The following ESRRG variants were observed in gnomAD, a reference collection of about 807,000 sequenced individuals.
ESRRG encodes estrogen related receptor gamma, also known as estrogen-related receptor gamma.
In ESRRG, 13 loss-of-function variants were observed where a neutral mutation model predicts 44.0. The ratio of observed to expected loss-of-function variants is 0.30; its 90% CI spans 0.19 to 0.47. The LOEUF is 0.47. Ranked by LOEUF, ESRRG falls within the 20% of genes least tolerant of loss-of-function variation. ESRRG has a pLI of 1.00. For synonymous variants in ESRRG, 215 were observed against 214.6 expected (o/e 1.00, Z -0.02); for missense variants, 395 against 580.6 (o/e 0.68, Z 3.29).
intron 1 of ESRRG, among the ~76,000 whole-genome samples, chr1:216,691,439 C>T (rs957659523): frequency 9.9e-5 from 15 of 152,204 alleles, no homozygotes; most frequent in African/African-American, 3.6e-4. Flanking sequence ...ATTATTTTAT[C>T]ACCAATTTGC....
intron 2 of ESRRG, among the ~76,000 whole-genome samples, chr1:216,857,376 A>AG (rs1435707785): frequency 1.3e-5 from 2 of 151,582 alleles, no homozygotes; most frequent in African/African-American, 4.8e-5. Flanking sequence ...AAAAAAAAAA[A>AG]GAAAAAAACT....
chr1:216,569,407 T>C (rs1000049851), intron 3 of ESRRG, among the ~76,000 whole-genome samples: 5 of 152,076 alleles, frequency 3.3e-5, no homozygotes, highest in Non-Finnish European at 5.9e-5. Flanking sequence ...CTGACAGGAA[T>C]AGAACTTTTT....
intron 1 of ESRRG, among the ~76,000 whole-genome samples, chr1:216,956,230 T>C (rs538150077): frequency 8.8e-6 from 1 of 114,230 alleles, no homozygotes; most frequent in East Asian, 2.9e-4. Context: ...TGGCGAGGGA[T>C]AGGGATACAG....
chr1:216,975,621 T>C lies in ESRRG; in HGVS notation c.-105-35948A>G, dbSNP rs541048100. Among the ~76,000 whole-genome samples, 48 of 152,346 alleles carry C rather than the reference T, an allele frequency of 3.2e-4. No homozygotes were observed. The Middle Eastern group carries it at 0.01, about 32-fold the overall frequency. On this transcript the variant is annotated intron_variant, in intron 1 of 7. Transcript: ENST00000359162. ...CTCACTAAAAAGACACTCAGAATTC[T>C]GAAAATATTCAATTCTCAACCTTTA...
At chr1:216,925,361 CG>C (rs2062398830) in intron 2 of ESRRG, among the ~76,000 whole-genome samples, 1 of 152,014 alleles carries the variant, frequency 6.6e-6, no homozygotes. Flanking sequence ...TGCCTGAACC[CG>C]GGAGGCGGAG....
chr1:217,033,027 G>A (rs2082303086), intron 1 of ESRRG, among the ~76,000 whole-genome samples: 1 of 152,108 alleles, frequency 6.6e-6, no homozygotes, highest in African/African-American at 2.4e-5. Context: ...GGGAGGGGGA[G>A]ATTAAAAGGG....
chr1:217,046,894 AG>A (rs886804975), intron 1 of ESRRG, among the ~76,000 whole-genome samples: 27 of 146,410 alleles, frequency 1.8e-4, no homozygotes, highest in African/African-American at 4.6e-4. Flanking sequence ...ATAAAAAAAA[AG>A]GGGGGGGAAT....
At chr1:216,992,585 A>G (rs2075870677) in intron 1 of ESRRG, among the ~76,000 whole-genome samples, 1 of 152,228 alleles carries the variant, frequency 6.6e-6, no homozygotes, top group Admixed American at 6.5e-5. Flanking sequence ...ATTTAACCAC[A>G]CAAAACACTC....
intron 2 of ESRRG, among the ~76,000 whole-genome samples, chr1:216,815,617 C>T (rs1006633857): frequency 7.9e-5 from 12 of 152,176 alleles, no homozygotes; most frequent in Admixed American, 7.9e-4. Flanking sequence ...CTGGTAGCCC[C>T]CACATACTGC....
At chr1:217,015,923 G>A (rs984022733) in intron 1 of ESRRG, among the ~76,000 whole-genome samples, 2 of 152,042 alleles carry the variant, frequency 1.3e-5, no homozygotes, top group African/African-American at 4.8e-5. Context: ...TAGAGATGGA[G>A]TTTCACCATG....
At chr1:217,106,518 A>G (rs2092599044) in intron 1 of ESRRG, among the ~76,000 whole-genome samples, 1 of 152,146 alleles carries the variant, frequency 6.6e-6, no homozygotes, top group Non-Finnish European at 1.5e-5. Flanking sequence ...TGTAAAAGAC[A>G]TTGATGGTTT....
At chr1:217,087,889 G>A (rs2092180645) in intron 1 of ESRRG, among the ~76,000 whole-genome samples, 1 of 152,122 alleles carries the variant, frequency 6.6e-6, no homozygotes, top group Non-Finnish European at 1.5e-5. Context: ...CCTCATCAAT[G>A]TCACTTCGTC....
At chr1:216,976,101 G>C (rs553317521) in intron 1 of ESRRG, among the ~76,000 whole-genome samples, 5 of 152,164 alleles carry the variant, frequency 3.3e-5, no homozygotes, top group Middle Eastern at 3.4e-3. Context: ...AAGTTTCTTG[G>C]AAAGGTGTAT....
chr1:216,517,004 A>C (rs148772861), intron 6 of ESRRG, among the ~76,000 whole-genome samples: 2 of 152,284 alleles, frequency 1.3e-5, no homozygotes, highest in Non-Finnish European at 2.9e-5. Flanking sequence ...TTTGGAGATT[A>C]AAATAGTCCT....
At chr1:216,876,958 T>G (rs2096364526) in intron 2 of ESRRG, among the ~76,000 whole-genome samples, 1 of 148,684 alleles carries the variant, frequency 6.7e-6, no homozygotes. Context: ...GTTGTCTGAT[T>G]CGAGAATCTC....
At chr1:217,110,931 C>T (rs79996151) in intron 1 of ESRRG, among the ~76,000 whole-genome samples, 3,024 of 152,248 alleles carry the variant, frequency 0.02, 108 homozygotes, top group African/African-American at 0.068. Context: ...ATGTATCTGA[C>T]CTTGAATTTT....
rs573572481 is a variant in ESRRG at position 216,773,628 on chromosome 1, C to T, written c.-13-96137G>A. Reference sequence around the variant, plus strand: ...AAGATAGAAAAACATTTACAAATCCCCAACACATGTTCTCTAAGGTCTTTC... The same window carrying T: ...AAGATAGAAAAACATTTACAAATCCTCAACACATGTTCTCTAAGGTCTTTC... On this transcript the variant is annotated intron_variant, in intron 2 of 7. Transcript: ENST00000359162. 2.6e-5 allele frequency among the ~76,000 whole-genome samples: 4 copies of T among 152,174 alleles called. No homozygotes were observed. In the South Asian group the frequency reaches 8.3e-4, roughly 32 times the overall value.
chr1:216,581,914 T>A (rs553600260), intron 3 of ESRRG, among the ~76,000 whole-genome samples: 1 of 152,372 alleles, frequency 6.6e-6, no homozygotes, highest in Non-Finnish European at 1.5e-5. Flanking sequence ...CCGTTTCTAG[T>A]CTTTGGTGTC....
intron 2 of ESRRG, among the ~76,000 whole-genome samples, chr1:216,736,328 C>T (rs1413289751): frequency 6.6e-6 from 1 of 151,652 alleles, no homozygotes; most frequent in Non-Finnish European, 1.5e-5. Flanking sequence ...GGACTACAGC[C>T]GTCCGCCACC....
Sources: allele counts gnomAD v4.1 joint callset (sites outside exome capture counted in the v4.1 genomes callset), GRCh38; gene constraint gnomAD v4.1.1; transcripts MANE v1.5; gene names NCBI Gene and HGNC (gene_info 2026-07-23, HGNC 2026-07-21).